Variants in UMAD1 observed in about 807,000 individuals in gnomAD.
UMAD1 encodes the protein UBAP1-MVB12-associated (UMA) domain containing 1, also known as UBAP1-MVB12-associated (UMA)-domain containing protein 1.
Under a neutral mutation model 6.1 loss-of-function variants are expected in UMAD1, and 8 were observed. The ratio of observed to expected loss-of-function variants is 1.30; its 90% CI spans 0.76 to 2.35. The LOEUF (loss-of-function observed/expected upper bound fraction) is 2.35. Among genes scored for constraint, UMAD1 ranks in the 30% most tolerant of loss-of-function variants. The probability of loss-of-function intolerance (pLI) is 0.00; values close to 1 mark genes in which losing one functional copy is unlikely to be tolerated. For missense variants in UMAD1, 130 were observed against 78.4 expected (o/e 1.66, Z -2.49); for synonymous variants, 56 against 31.4 (o/e 1.78, Z -2.61).
chr7:7,651,328 T>A (rs1785219047), intron 1 of UMAD1, among the ~76,000 whole-genome samples: 1 of 152,086 alleles, frequency 6.6e-6, no homozygotes, highest in Non-Finnish European at 1.5e-5. Context: ...TTGGCTTGTC[T>A]TTTGGCTGGG....
rs557232496 is a variant in UMAD1, at chr7:7,803,620, A to G, written c.156+1877A>G. On this transcript the variant is annotated intron_variant, in intron 3 of 3. Transcript: ENST00000682710. ...ACCATAAATTGGATACCTTATGAAC[A>G]ACAGAAATTTATTTCTTTAGTTCTG... is the stretch of plus-strand genomic sequence containing the variant. 2.7e-4 allele frequency among the ~76,000 whole-genome samples: 41 copies of G among 152,306 alleles called. 1 individual carries two copies. Among genetic ancestry groups the G allele is most frequent in the Middle Eastern group, 3.4e-3 (1 of 292 alleles).
intron 3 of UMAD1, among the ~76,000 whole-genome samples, chr7:7,853,725 A>G (rs934862952): frequency 1.1e-4 from 17 of 152,170 alleles, no homozygotes; most frequent in African/African-American, 4.1e-4. Flanking sequence ...GATTTTCTAC[A>G]TAGAAAATCA....
At chr7:7,821,343 A>G (rs1783238065) in intron 3 of UMAD1, among the ~76,000 whole-genome samples, 1 of 152,234 alleles carries the variant, frequency 6.6e-6, no homozygotes, top group African/African-American at 2.4e-5. Flanking sequence ...ATATCTGAAT[A>G]TTTTATATTA....
chr7:7,877,488 C>T lies in UMAD1; in HGVS notation c.364C>T (p.Arg122Trp), dbSNP rs780385287. ...CTATGATGGCAGCGAAAACTTATCA[C>T]GGTTTTGGTATGATTTCACTCTTGA... Reference protein sequence around the residue: ...LSYDGSENLSRFWYDFTLENS... With the variant: ...LSYDGSENLSWFWYDFTLENS... Residue 122 changes from arginine to tryptophan, a missense_variant, in exon 4 of 4, where the codon CGG becomes TGG. Transcript: ENST00000682710. The T allele has an allele frequency of 6.6e-5, 47 of 717,400 alleles. No individual in the cohort carries two copies. The highest frequency in any genetic ancestry group is 1.5e-5 in the South Asian group (1 of 67,602). The allele number at this position is 717,400 out of a possible 1,614,324, so 44.4% of individuals were successfully genotyped here. A position where few individuals can be genotyped will look rare whatever the true frequency, so the allele number is the denominator to read the frequency against.
intron 3 of UMAD1, among the ~76,000 whole-genome samples, chr7:7,873,063 G>A (rs1475625245): frequency 6.6e-6 from 1 of 152,116 alleles, no homozygotes; most frequent in Non-Finnish European, 1.5e-5. Context: ...GCACTGTTCT[G>A]CTTACTTATA....
intron 2 of UMAD1, among the ~76,000 whole-genome samples, chr7:7,762,330 T>C (rs1781907201): frequency 6.6e-6 from 1 of 152,326 alleles, no homozygotes; most frequent in Middle Eastern, 3.4e-3. Context: ...TCTTGACTCT[T>C]GTTTAAGTAC....
At chr7:7,745,395 C>T (rs991664511) in intron 2 of UMAD1, among the ~76,000 whole-genome samples, 3 of 152,170 alleles carry the variant, frequency 2.0e-5, no homozygotes, top group Non-Finnish European at 2.9e-5. Context: ...TTTTGGGAAA[C>T]TCTGAACTCC....
chr7:7,679,691 A>T, intron 2 of UMAD1, among the ~76,000 whole-genome samples: 1 of 131,448 alleles, frequency 7.6e-6, no homozygotes, highest in Non-Finnish European at 1.5e-5. Context: ...ATATATATTT[A>T]TATATTTAAT....
At chr7:7,769,285 C>G (rs1013393686) in intron 2 of UMAD1, among the ~76,000 whole-genome samples, 9 of 152,012 alleles carry the variant, frequency 5.9e-5, no homozygotes, top group Non-Finnish European at 1.3e-4. Context: ...GCTTTAACTT[C>G]CATAAAAATC....
At chr7:7,804,464 G>C (rs946262445) in intron 3 of UMAD1, among the ~76,000 whole-genome samples, 12 of 152,156 alleles carry the variant, frequency 7.9e-5, no homozygotes, top group Non-Finnish European at 1.3e-4. Flanking sequence ...CCTGAGCTCC[G>C]GAGTTCAAGA....
At chr7:7,648,241 C>T (rs1476016055) in intron 1 of UMAD1, among the ~76,000 whole-genome samples, 1 of 152,230 alleles carries the variant, frequency 6.6e-6, no homozygotes, top group Admixed American at 6.5e-5. Context: ...TAAGAGAGCA[C>T]TAGCGTTTGA....
chr7:7,872,111 A>G (rs1784343534), intron 3 of UMAD1, among the ~76,000 whole-genome samples: 2 of 152,144 alleles, frequency 1.3e-5, no homozygotes, highest in South Asian at 4.1e-4. Flanking sequence ...ATAAAAAAAA[A>G]AAGAAGTTGT....
intron 1 of UMAD1, among the ~76,000 whole-genome samples, chr7:7,663,744 C>G (rs369249811): frequency 5.9e-4 from 90 of 152,220 alleles, no homozygotes; most frequent in African/African-American, 2.0e-3. Flanking sequence ...TAAATGGATG[C>G]AAAATTGGTT....
intron 3 of UMAD1, among the ~76,000 whole-genome samples, chr7:7,829,660 T>G (rs1028309539): frequency 6.6e-6 from 1 of 152,226 alleles, no homozygotes; most frequent in Non-Finnish European, 1.5e-5. Flanking sequence ...CTGACATGAT[T>G]TTAAATGTAA....
At chr7:7,763,728 T>A (rs1781935849) in intron 2 of UMAD1, among the ~76,000 whole-genome samples, 1 of 152,150 alleles carries the variant, frequency 6.6e-6, no homozygotes, top group Non-Finnish European at 1.5e-5. Flanking sequence ...ACTGCAAAAT[T>A]AGTTACAAAA....
At chr7:7,715,785 T>C (rs1341519694) in intron 2 of UMAD1, among the ~76,000 whole-genome samples, 1 of 152,212 alleles carries the variant, frequency 6.6e-6, no homozygotes, top group African/African-American at 2.4e-5. Context: ...TGAGTTTTAA[T>C]TTGGGAAAAG....
At chr7:7,719,110 T>C (rs1202077032) in intron 2 of UMAD1, among the ~76,000 whole-genome samples, 1 of 152,190 alleles carries the variant, frequency 6.6e-6, no homozygotes, top group Non-Finnish European at 1.5e-5. Flanking sequence ...TGCATTTTTA[T>C]TAATTATCAA....
chr7:7,724,025 G>T (rs1390965222), intron 2 of UMAD1, among the ~76,000 whole-genome samples: 2 of 152,150 alleles, frequency 1.3e-5, no homozygotes, highest in Non-Finnish European at 2.9e-5. Context: ...CCAGTTTACA[G>T]ACCCAGAACC....
At chr7:7,697,322 A>G (rs1319276426) in intron 2 of UMAD1, among the ~76,000 whole-genome samples, 3 of 152,208 alleles carry the variant, frequency 2.0e-5, no homozygotes, top group African/African-American at 7.2e-5. Context: ...CTTTAATATC[A>G]GAATCCTCTA....
Sources: allele counts gnomAD v4.1 joint callset (sites outside exome capture counted in the v4.1 genomes callset), GRCh38; gene constraint gnomAD v4.1.1; transcripts MANE v1.5; gene names NCBI Gene and HGNC (gene_info 2026-07-23, HGNC 2026-07-21).